Variants in PCTP observed in about 807,000 individuals in gnomAD.
PCTP encodes START domain-containing protein 2.
A neutral mutation model predicts 31.0 loss-of-function variants in PCTP; 27 were observed. The observed-to-expected ratio is 0.87, with a 90% CI of 0.64 to 1.20. The LOEUF is 1.20. PCTP is among the 50% of genes most tolerant of loss of function. The probability of loss-of-function intolerance (pLI) is 0.00; values close to 1 mark genes in which losing one functional copy is unlikely to be tolerated. For missense variants in PCTP, 287 were observed against 268.2 expected, an observed-to-expected ratio of 1.07 and a Z score of -0.49; for synonymous variants, 108 against 101.2, an observed-to-expected ratio of 1.07 and a Z score of -0.40.
At chr17:55,843,841 T>C (rs901214591), downstream of PCTP, among the ~76,000 whole-genome samples, 3 of 152,192 alleles carry the variant, frequency 2.0e-5, no homozygotes, top group Non-Finnish European at 2.9e-5. Context: ...TGAAATTAAA[T>C]TGAAGCACTG....
chr17:55,790,773 A>G (rs1233761976), intron 3 of PCTP, among the ~76,000 whole-genome samples: 8 of 148,720 alleles, frequency 5.4e-5, no homozygotes, highest in African/African-American at 2.0e-4. Context: ...CAAGCTACCA[A>G]TGACTTTCTT....
intron 3 of PCTP, among the ~76,000 whole-genome samples, chr17:55,815,239 T>C (rs896062684): frequency 2.0e-5 from 3 of 152,242 alleles, no homozygotes; most frequent in African/African-American, 7.2e-5. Context: ...GTAAATACAC[T>C]TGATAATTTT....
intron 5 of PCTP, among the ~76,000 whole-genome samples, chr17:55,829,223 A>AT (rs921665881): frequency 2.0e-5 from 3 of 151,972 alleles, no homozygotes; most frequent in Non-Finnish European, 4.4e-5. Context: ...AAAAAAAAAA[A>AT]AAATAAAGAC....
downstream of PCTP, among the ~76,000 whole-genome samples, chr17:55,780,090 C>CTTTT (rs59816865): frequency 7.2e-6 from 1 of 138,884 alleles, no homozygotes; most frequent in Non-Finnish European, 1.6e-5. Flanking sequence ...CAAGGAAGAA[C>CTTTT]TTTTTTTTTT....
intron 3 of PCTP, among the ~76,000 whole-genome samples, chr17:55,805,660 G>A (rs1912551661): frequency 6.6e-6 from 1 of 151,618 alleles, no homozygotes; most frequent in Admixed American, 6.6e-5. Flanking sequence ...GACAGAAGGT[G>A]AAAAACAAGA....
At chr17:55,796,836 G>A (rs949979619) in intron 3 of PCTP, among the ~76,000 whole-genome samples, 7 of 151,924 alleles carry the variant, frequency 4.6e-5, no homozygotes, top group Admixed American at 2.0e-4. Flanking sequence ...AGGAAAAAAA[G>A]ATTATTTCTG....
chr17:55,759,996 A>C (rs2960072), intron 1 of PCTP, among the ~76,000 whole-genome samples: 124,448 of 152,198 alleles, frequency 0.82, 54,598 homozygotes, highest in Non-Finnish European at 0.98. Context: ...AATTGCACAG[A>C]TGTTTTTTTT....
intron 3 of PCTP, chr17:55,822,725 A>G: frequency 8.4e-7 from 1 of 1,190,958 alleles, no homozygotes; most frequent in Non-Finnish European, 1.1e-6. Flanking sequence ...GGCTGTACTT[A>G]CTCTCATCCT....
At chr17:55,822,945 A>C in exon 4 of PCTP, 5 of 624,032 alleles carry the variant, frequency 8.0e-6, no homozygotes, top group South Asian at 8.6e-5. Context: ...TTCTTATCTC[A>C]TTGTTTTTTC....
chr17:55,785,810 A>G (rs942208885), intron 2 of PCTP, among the ~76,000 whole-genome samples: 9 of 152,334 alleles, frequency 5.9e-5, no homozygotes, highest in African/African-American at 2.2e-4. Context: ...TATTTGACAA[A>G]TATTGATTAT....
chr17:55,820,795 A>G lies in PCTP; in HGVS notation c.318-1966A>G, dbSNP rs149885195. Among the ~76,000 whole-genome samples the G allele has an allele frequency of 4.2e-3, 638 of 152,328 alleles. 6 individuals are homozygous for G. The highest frequency in any genetic ancestry group is 0.014 in the African/African-American group (600 of 41,576). ...TACAGTATGTTCAACATAATTAGCA[A>G]TCAGGGATGTGCAAACTAAAACTGC... is the stretch of plus-strand genomic sequence containing the variant. On this transcript the variant is annotated intron_variant, in intron 3 of 3. Coordinates refer to the PCTP transcript ENST00000572536.
intron 3 of PCTP, among the ~76,000 whole-genome samples, chr17:55,789,429 T>C (rs1015820388): frequency 3.9e-5 from 6 of 152,212 alleles, no homozygotes; most frequent in African/African-American, 1.4e-4. Flanking sequence ...CCTGACTAAG[T>C]GATCAGTAAT....
chr17:55,793,352 C>T (rs538120016), intron 3 of PCTP, among the ~76,000 whole-genome samples: 1 of 152,168 alleles, frequency 6.6e-6, no homozygotes, highest in African/African-American at 2.4e-5. Context: ...TTTCCTAACC[C>T]TTTAAATTTC....
At chr17:55,793,288 G>T (rs913101670) in intron 3 of PCTP, among the ~76,000 whole-genome samples, 6 of 152,000 alleles carry the variant, frequency 3.9e-5, no homozygotes, top group Non-Finnish European at 8.8e-5. Context: ...GAAACACTTG[G>T]GGAGGATGAG....
At chr17:55,788,549 G>A (rs1235627150) in intron 3 of PCTP, among the ~76,000 whole-genome samples, 2 of 152,116 alleles carry the variant, frequency 1.3e-5, no homozygotes, top group African/African-American at 4.8e-5. Flanking sequence ...TGACCTCATG[G>A]AACTTATGAT....
chr17:55,784,820 A>G (rs1205191955), intron 2 of PCTP, among the ~76,000 whole-genome samples: 2 of 152,228 alleles, frequency 1.3e-5, no homozygotes, highest in Non-Finnish European at 2.9e-5. Flanking sequence ...AAAATTCCAT[A>G]TTACTTACGA....
intron 1 of PCTP, among the ~76,000 whole-genome samples, chr17:55,760,401 C>G (rs751551194): frequency 6.6e-6 from 1 of 152,174 alleles, no homozygotes; most frequent in East Asian, 1.9e-4. Flanking sequence ...ATGTGCACCA[C>G]ATAATAGAAC....
chr17:55,766,815 T>A (rs951997177), intron 1 of PCTP, among the ~76,000 whole-genome samples: 6 of 151,886 alleles, frequency 4.0e-5, no homozygotes, highest in Admixed American at 6.5e-5. Context: ...TTTCTAGTTC[T>A]AGATCCCTGA....
downstream of PCTP, among the ~76,000 whole-genome samples, chr17:55,845,248 T>G (rs1906110293): frequency 6.6e-6 from 1 of 152,118 alleles, no homozygotes; most frequent in Non-Finnish European, 1.5e-5. Flanking sequence ...AGCCAATAGG[T>G]GTTTATTTTG....
Sources: allele counts gnomAD v4.1 joint callset (sites outside exome capture counted in the v4.1 genomes callset), GRCh38; gene constraint gnomAD v4.1.1; transcripts MANE v1.5; gene names NCBI Gene and HGNC (gene_info 2026-07-23, HGNC 2026-07-21).